Variants in KCNIP4 observed in about 807,000 individuals in gnomAD.
KCNIP4 encodes the protein potassium voltage-gated channel interacting protein 4, also known as Kv channel-interacting protein 4.
KCNIP4 carries 12 observed loss-of-function variants against 34.0 expected under a neutral mutation model. The ratio of observed to expected loss-of-function variants is 0.35; its 90% CI spans 0.23 to 0.57. The LOEUF is 0.57. KCNIP4 is among the 20% of genes least tolerant of loss of function. The pLI, the probability that KCNIP4 is intolerant of heterozygous loss-of-function variation, is 0.83. For missense variants in KCNIP4, 238 were observed against 311.7 expected, an observed-to-expected ratio of 0.76 and a Z score of 1.78; for synonymous variants, 124 against 102.2, an observed-to-expected ratio of 1.21 and a Z score of -1.29.
chr4:21,553,979 C>T (rs1354382450), intron 1 of KCNIP4, among the ~76,000 whole-genome samples: 1 of 152,048 alleles, frequency 6.6e-6, no homozygotes, highest in South Asian at 2.1e-4. Context: ...GGAAGGGGCA[C>T]AATTCAACCC....
In KCNIP4 at chr4:20,729,375, A is replaced by AAATT. The variant is rs145217467; in HGVS notation, c.*703_*706dup. On this transcript the variant is annotated 3_prime_UTR_variant, in exon 9 of 9. Coordinates refer to ENST00000382152, the MANE Select transcript of KCNIP4 (RefSeq NM_025221.6). ...CTGTAAGAAAGATTGAACAAATCCA[A>AAATT]AATTATTATATAGGCCTTGGCTGTA... 0.042 allele frequency: 6,430 copies of AAATT among 152,590 alleles called. 189 individuals carry two copies. The highest frequency in any genetic ancestry group is 0.065 in the Middle Eastern group (19 of 294). The allele number at this position is 152,590 out of a possible 1,614,324, so 9.5% of individuals were successfully genotyped here. A position where few individuals can be genotyped will look rare whatever the true frequency, so the allele number is the denominator to read the frequency against.
At chr4:21,081,410 G>T (rs1042337075) in intron 1 of KCNIP4, among the ~76,000 whole-genome samples, 2 of 151,622 alleles carry the variant, frequency 1.3e-5, no homozygotes, top group African/African-American at 2.4e-5. Context: ...TTCATCATGG[G>T]TATGGGGTTA....
chr4:21,094,549 G>C (rs1183598291), intron 1 of KCNIP4, among the ~76,000 whole-genome samples: 1 of 152,080 alleles, frequency 6.6e-6, no homozygotes, highest in Non-Finnish European at 1.5e-5. Context: ...GAATTGCCAG[G>C]GTCCCCTAGA....
chr4:21,944,260 C>G (rs1347517690), intron 1 of KCNIP4, among the ~76,000 whole-genome samples: 1 of 151,988 alleles, frequency 6.6e-6, no homozygotes, highest in Non-Finnish European at 1.5e-5. Flanking sequence ...AAAAGGAGAT[C>G]TGGCTGGGCG....
At chr4:21,868,447 T>C (rs969593544) in intron 1 of KCNIP4, among the ~76,000 whole-genome samples, 1 of 152,238 alleles carries the variant, frequency 6.6e-6, no homozygotes, top group African/African-American at 2.4e-5. Context: ...CCTAAATGTA[T>C]GACTAAGTCT....
intron 3 of KCNIP4, among the ~76,000 whole-genome samples, chr4:20,826,655 G>A (rs1717799267): frequency 6.6e-6 from 1 of 152,052 alleles, no homozygotes; most frequent in Admixed American, 6.6e-5. Flanking sequence ...AAAGGAAAAT[G>A]TATGGGAATG....
intron 1 of KCNIP4, among the ~76,000 whole-genome samples, chr4:21,172,540 A>G: frequency 6.6e-6 from 1 of 152,176 alleles, no homozygotes; most frequent in Non-Finnish European, 1.5e-5. Context: ...TGCCTCTCCT[A>G]CTGAGATGTA....
At chr4:21,475,704 G>A (rs907502228) in intron 1 of KCNIP4, among the ~76,000 whole-genome samples, 7 of 152,046 alleles carry the variant, frequency 4.6e-5, no homozygotes, top group African/African-American at 1.2e-4. Flanking sequence ...TGGCTATATC[G>A]CAGCTACAGA....
chr4:21,065,744 A>ATATATATATATATATATG (rs1560690291), intron 1 of KCNIP4, among the ~76,000 whole-genome samples: 3 of 142,424 alleles, frequency 2.1e-5, no homozygotes, highest in Admixed American at 1.4e-4. Context: ...ATATATATAT[A>ATATATATATATATATATG]TATATATATA....
In KCNIP4 at chr4:21,796,833, G is replaced by A. The variant is rs150272860; in HGVS notation, c.61+151738C>T. On this transcript the variant is annotated intron_variant, in intron 1 of 8. Transcript: ENST00000382152. Reference sequence around the variant, plus strand: ...TGCGGGAGTCAAGATTACATGTTCCGGAAAAGCCCAAAGTTTGTGGATATC... The same window carrying A: ...TGCGGGAGTCAAGATTACATGTTCCAGAAAAGCCCAAAGTTTGTGGATATC... 3.9e-3 allele frequency among the ~76,000 whole-genome samples: 600 copies of A among 152,230 alleles called. 15 individuals are homozygous for A. Among genetic ancestry groups the A allele is most frequent in the Non-Finnish European group, 4.0e-3 (273 of 68,012 alleles).
chr4:20,749,827 T>C (rs1292035581), intron 4 of KCNIP4, 95 bp from the exon 5 acceptor site: 2 of 721,222 alleles, frequency 2.8e-6, no homozygotes, highest in Non-Finnish European at 4.6e-6. Context: ...TCCAGAAGAA[T>C]TAACTCTGCC....
intron 1 of KCNIP4, among the ~76,000 whole-genome samples, chr4:21,226,686 C>A (rs893215004): frequency 6.6e-6 from 1 of 152,046 alleles, no homozygotes; most frequent in Admixed American, 6.6e-5. Flanking sequence ...ATACTTTTTC[C>A]ACAACAATCT....
intron 1 of KCNIP4, among the ~76,000 whole-genome samples, chr4:21,832,395 A>T (rs1470050097): frequency 6.6e-6 from 1 of 152,024 alleles, no homozygotes; most frequent in Admixed American, 6.6e-5. Flanking sequence ...TGACATAAGG[A>T]TGGACAGAAT....
chr4:21,048,827 T>C (rs1186374853), intron 1 of KCNIP4, among the ~76,000 whole-genome samples: 1 of 151,956 alleles, frequency 6.6e-6, no homozygotes, highest in African/African-American at 2.4e-5. Flanking sequence ...ACTTTCTTCC[T>C]AGTGGGGCCT....
In KCNIP4 at chr4:21,390,269, G is replaced by A. The variant is rs936349187; in HGVS notation, c.62-507560C>T. Among the ~76,000 whole-genome samples the A allele has an allele frequency of 5.9e-5, 9 of 152,080 alleles. No homozygotes were observed. In the South Asian group the frequency reaches 6.2e-4, roughly 11 times the overall value. On this transcript the variant is annotated intron_variant, in intron 1 of 8. Coordinates refer to ENST00000382152, the MANE Select transcript of KCNIP4 (RefSeq NM_025221.6). ...CTATAGGTTGCCTGTTCACTCTGAC[G>A]GTGGTTTCTTTTGCTGTGCAGAAGC... is the stretch of plus-strand genomic sequence containing the variant.
chr4:21,166,232 C>A (rs1424385739), intron 1 of KCNIP4, among the ~76,000 whole-genome samples: 1 of 152,064 alleles, frequency 6.6e-6, no homozygotes, highest in East Asian at 1.9e-4. Flanking sequence ...AATAAACAAC[C>A]TATTTAAAGA....
At chr4:21,050,829 A>G (rs1742864260) in intron 1 of KCNIP4, among the ~76,000 whole-genome samples, 2 of 152,218 alleles carry the variant, frequency 1.3e-5, no homozygotes, top group African/African-American at 2.4e-5. Context: ...CATGCATCCA[A>G]TTAAGAAGAA....
chr4:21,930,952 G>C (rs1307169412), intron 1 of KCNIP4, among the ~76,000 whole-genome samples: 1 of 152,142 alleles, frequency 6.6e-6, no homozygotes, highest in Non-Finnish European at 1.5e-5. Context: ...AGCAGACCCT[G>C]TTCTAGGCTT....
chr4:20,816,167 T>C (rs1220006658), intron 3 of KCNIP4, among the ~76,000 whole-genome samples: 2 of 149,710 alleles, frequency 1.3e-5, no homozygotes, highest in African/African-American at 4.9e-5. Context: ...GGCAGGAGAA[T>C]CACTTGAACT....
Sources: gnomAD v4.1 joint callset for allele counts (sites outside exome capture counted in the v4.1 genomes callset) on GRCh38, gnomAD v4.1.1 for gene constraint, MANE v1.5 for transcripts, NCBI Gene and HGNC (gene_info 2026-07-23, HGNC 2026-07-21) for gene names.